Variants in C19orf38 observed in about 807,000 individuals in gnomAD.
The protein encoded by C19orf38 is chromosome 19 open reading frame 38.
A neutral mutation model predicts 26.6 loss-of-function variants in C19orf38; 14 were observed. The ratio of observed to expected loss-of-function variants is 0.53; its 90% CI spans 0.35 to 0.82. The LOEUF (loss-of-function observed/expected upper bound fraction) is 0.82, where lower values mean the gene tolerates loss of function less well. Ranked by LOEUF, C19orf38 falls within the 40% of genes least tolerant of loss-of-function variation. The pLI is 0.01. For synonymous variants in C19orf38, 132 were observed against 128.5 expected, an observed-to-expected ratio of 1.03 and a Z score of -0.18; for missense variants, 261 against 299.5, an observed-to-expected ratio of 0.87 and a Z score of 0.95.
At chr19:10,838,221 T>A (rs1464188734) in intron 1 of C19orf38, among the ~76,000 whole-genome samples, 1 of 152,086 alleles carries the variant, frequency 6.6e-6, no homozygotes, top group Non-Finnish European at 1.5e-5. Context: ...CTATCCTGGC[T>A]AACACAGTGA....
At chr19:10,843,685 ATG>A (rs2073494850), upstream of C19orf38, among the ~76,000 whole-genome samples, 1 of 152,172 alleles carries the variant, frequency 6.6e-6, no homozygotes, top group Admixed American at 6.5e-5. Context: ...AGTGGCTTGA[ATG>A]GATGTTTTTT....
rs377592137 is a variant in C19orf38, at chr19:10,848,455, G to A, written c.-54G>A. On this transcript the variant is annotated 5_prime_UTR_variant, in exon 1 of 7. Coordinates refer to ENST00000397820, the MANE Select transcript of C19orf38 (RefSeq NM_001136482.3). The stretch of plus-strand genomic sequence containing the variant: ...TGGCCTCACAGGAGGAGTTGGCGGG[G>A]AGCCTTGGGCCCCTCTGGCCTCAGC... 4.7e-5 allele frequency: 72 copies of A among 1,544,104 alleles called. 3 individuals carry two copies. In the African/African-American group the frequency reaches 6.8e-4, roughly 15 times the overall value.
chr19:10,840,921 C>A (rs1352809204), intron 1 of C19orf38, among the ~76,000 whole-genome samples: 1 of 152,182 alleles, frequency 6.6e-6, no homozygotes. Flanking sequence ...AGGCGTGGGC[C>A]ACTGTGACCG....
chr19:10,867,932 TGTGAGCCACC>T (rs936474545), intron 6 of C19orf38, among the ~76,000 whole-genome samples: 1 of 151,910 alleles, frequency 6.6e-6, no homozygotes, highest in Non-Finnish European at 1.5e-5. Context: ...GGATTACAGG[TGTGAGCCACC>T]GTGCCCAGCC....
Position 10,860,036 on chromosome 19 carries a change from A to G in C19orf38, c.505+78A>G, listed in dbSNP as rs1024335675. On this transcript the variant is annotated intron_variant, in intron 5 of 6. Coordinates refer to ENST00000397820, the MANE Select transcript of C19orf38 (RefSeq NM_001136482.3). ...TGCCATCAGGCCTCATCACACACCA[A>G]TCAAATTTCTTCTGTGACTGCTTGT... The G allele has an allele frequency of 3.6e-6, 5 of 1,389,336 alleles. No homozygotes were observed. In the South Asian group the frequency reaches 3.7e-5, roughly 10 times the overall value. The allele number at this position is 1,389,336 out of a possible 1,614,324, so 86.1% of individuals were successfully genotyped here. A position where few individuals can be genotyped will look rare whatever the true frequency, so the allele number is the denominator to read the frequency against.
intron 2 of C19orf38, among the ~76,000 whole-genome samples, chr19:10,854,312 C>T (rs1162201206): frequency 6.6e-6 from 1 of 152,146 alleles, no homozygotes; most frequent in Non-Finnish European, 1.5e-5. Flanking sequence ...GATCCGCCCA[C>T]ATCGGCCTCC....
chr19:10,858,632 G>T (rs550904575), intron 4 of C19orf38, among the ~76,000 whole-genome samples: 1 of 152,278 alleles, frequency 6.6e-6, no homozygotes, highest in South Asian at 2.1e-4. Context: ...AGAGTGAGCA[G>T]TTTGCCCAGG....
upstream of C19orf38, among the ~76,000 whole-genome samples, chr19:10,847,987 T>C (rs1438722068): frequency 2.0e-5 from 3 of 151,668 alleles, no homozygotes; most frequent in African/African-American, 4.8e-5. Flanking sequence ...GGTCAAGAGA[T>C]CGAGACCATC....
upstream of C19orf38, among the ~76,000 whole-genome samples, chr19:10,843,887 C>A (rs191751640): frequency 6.6e-6 from 1 of 152,046 alleles, no homozygotes; most frequent in Non-Finnish European, 1.5e-5. Flanking sequence ...GGGAGGTGGG[C>A]GGATCATTCG....
chr19:10,855,026 T>G (rs1324238118), intron 2 of C19orf38, among the ~76,000 whole-genome samples: 1 of 147,624 alleles, frequency 6.8e-6, no homozygotes, highest in East Asian at 2.0e-4. Flanking sequence ...TTCAGATATA[T>G]ATTCTTTTTT....
chr19:10,840,434 A>G (rs2073470484), intron 1 of C19orf38, among the ~76,000 whole-genome samples: 1 of 152,216 alleles, frequency 6.6e-6, no homozygotes, highest in Non-Finnish European at 1.5e-5. Flanking sequence ...CAGCCTCCCA[A>G]GTAGCTGGGA....
chr19:10,850,346 C>T lies in C19orf38; in HGVS notation c.119C>T (p.Ala40Val), dbSNP rs778730731. The T allele has an allele frequency of 1.3e-6, 2 of 1,551,182 alleles. No homozygotes were observed. The highest frequency in any genetic ancestry group is 4.9e-5 in the East Asian group (2 of 40,904). ...QEDPIHIACM[A>V]PGNFPGANFT... is the part of the protein sequence containing the mutation. Reference sequence around the variant, plus strand: ...GACCCCATCCACATCGCATGCATGGCCCCTGGGAACTTCCCGGGGGCGAAT... The same window carrying T: ...GACCCCATCCACATCGCATGCATGGTCCCTGGGAACTTCCCGGGGGCGAAT... Residue 40 changes from alanine to valine, a missense_variant, in exon 2 of 7, where the codon GCC becomes GTC. By Grantham distance (64) the Ala-to-Val change is moderately conservative. Transcript: ENST00000397820.
chr19:10,859,999 T>C, intron 5 of C19orf38, 41 bp downstream of exon 5: 1 of 1,528,804 alleles, frequency 6.5e-7, no homozygotes, highest in Non-Finnish European at 8.9e-7. Flanking sequence ...GGGAAAGGAT[T>C]ACACCTCCAA....
Position 10,869,351 on chromosome 19 carries a change from T to G in C19orf38, c.677T>G (p.Phe226Cys). 6.4e-7 allele frequency: 1 copy of G among 1,550,428 alleles called. No individual in the cohort carries two copies. Residue 226 changes from phenylalanine (F) to cysteine (C), a missense_variant, in exon 7 of 7, where the codon TTC (phenylalanine) becomes TGC (cysteine). Coordinates refer to ENST00000397820, the MANE Select transcript of C19orf38 (RefSeq NM_001136482.3). ...CCTGAGACCCCCGAATTCAGCACTT[T>G]CCGGGCCTGCCAGTGAGGCTGAGGA... ...SSPETPEFSTFRACQ is the reference protein window; with the variant it reads ...SSPETPEFSTCRACQ
intron 1 of C19orf38, 111 bp from the exon 2 acceptor site, chr19:10,850,148 C>A: frequency 9.3e-7 from 1 of 1,075,268 alleles, no homozygotes; most frequent in Non-Finnish European, 1.3e-6. Flanking sequence ...AGCCTCCTGA[C>A]TCACAGAAAA....
At chr19:10,866,333 GGC>G (rs2073750860) in intron 6 of C19orf38, among the ~76,000 whole-genome samples, 1 of 151,120 alleles carries the variant, frequency 6.6e-6, no homozygotes, top group Non-Finnish European at 1.5e-5. Context: ...TGGGATTACA[GGC>G]GAGCGCCAGC....
In C19orf38 at chr19:10,866,481, C is replaced by T. The variant is rs533529177; in HGVS notation, c.544-2737C>T. ...TCAGCCTCCCAAAGTGCTGGGATTA[C>T]AGGCGTGAGCCACCAGGCCCGGCCT... On this transcript the variant is annotated intron_variant, in intron 6 of 6. Transcript: ENST00000397820. 2.7e-5 allele frequency among the ~76,000 whole-genome samples: 4 copies of T among 149,078 alleles called. No individual in the cohort carries two copies. The East Asian group carries it at 6.1e-4, about 23-fold the overall frequency.
Position 10,863,186 on chromosome 19 carries a change from C to T in C19orf38, c.522C>T (p.Asn174=), listed in dbSNP as rs1438598067. 2.6e-6 allele frequency: 4 copies of T among 1,551,438 alleles called. No homozygotes were observed. The Admixed American group carries it at 5.9e-5, about 23-fold the overall frequency. ...CTGTTTCAGACATGTCCTTCGATAA[C>T]TCCCTGTTTACCGTCTCCGCGGTGA... is the stretch of plus-strand genomic sequence containing the variant. ...NFDSTDMSFD[N]SLFTVSAKTM... is the part of the protein sequence containing the mutation. The change falls in exon 6 of 7, where the codon AAC becomes AAT. Residue 174 remains asparagine, a synonymous_variant. Coordinates refer to ENST00000397820, the MANE Select transcript of C19orf38 (RefSeq NM_001136482.3).
intron 2 of C19orf38, among the ~76,000 whole-genome samples, chr19:10,852,424 A>C (rs2146255826): frequency 6.6e-6 from 1 of 152,334 alleles, no homozygotes; most frequent in Middle Eastern, 3.4e-3. Context: ...GATGAAATCC[A>C]CCTGGGTGAG....
Sources: allele counts gnomAD v4.1 joint callset (sites outside exome capture counted in the v4.1 genomes callset), GRCh38; gene constraint gnomAD v4.1.1; transcripts MANE v1.5; gene names NCBI Gene and HGNC (gene_info 2026-07-23, HGNC 2026-07-21).